BICD1: variants seen among roughly 807,000 people sequenced by gnomAD.
BICD1 encodes protein bicaudal D homolog 1.
BICD1 carries 35 observed loss-of-function variants against 92.5 expected under a neutral mutation model. The ratio of observed to expected loss-of-function variants is 0.38; its 90% CI spans 0.29 to 0.50. The LOEUF (loss-of-function observed/expected upper bound fraction) is 0.50, where lower values mean the gene tolerates loss of function less well. Ranked by LOEUF, BICD1 falls within the 20% of genes least tolerant of loss-of-function variation. BICD1 has a pLI of 0.93. For synonymous variants in BICD1, 429 were observed against 465.1 expected (o/e 0.92, Z 1.00); for missense variants, 950 against 1,189.8 (o/e 0.80, Z 2.97).
Position 32,296,581 on chromosome 12 carries a change from C to T in BICD1, c.579+2435C>T, listed in dbSNP as rs559486376. On this transcript the variant is annotated intron_variant, in intron 3 of 9. Coordinates refer to ENST00000652176, the MANE Select transcript of BICD1 (RefSeq NM_001714.4). ...CTAAGAAGGGTATTTTCTTGTGGTC[C>T]TTTTTTTGGTTATTGATGAAACACA... 3.9e-5 allele frequency among the ~76,000 whole-genome samples: 6 copies of T among 151,980 alleles called. No homozygotes were observed. The South Asian group carries it at 1.3e-3, about 32-fold the overall frequency.
At chr12:32,265,053 C>T (rs1231114986) in intron 2 of BICD1, among the ~76,000 whole-genome samples, 1 of 152,056 alleles carries the variant, frequency 6.6e-6, no homozygotes, top group African/African-American at 2.4e-5. Flanking sequence ...GCTGCCTTAG[C>T]CTTCTGAACT....
At chr12:32,302,088 G>A (rs887854514) in intron 3 of BICD1, among the ~76,000 whole-genome samples, 1 of 151,972 alleles carries the variant, frequency 6.6e-6, no homozygotes, top group Non-Finnish European at 1.5e-5. Flanking sequence ...GGGTTTCACT[G>A]TGTTAGCTAG....
intron 8 of BICD1, among the ~76,000 whole-genome samples, chr12:32,361,424 A>G (rs113164145): frequency 0.024 from 3,579 of 151,914 alleles, 134 homozygotes; most frequent in African/African-American, 0.081. Flanking sequence ...ATGGCAGCAC[A>G]TGCCTGTAAT....
At chr12:32,285,023 A>G (rs1461840613) in intron 2 of BICD1, among the ~76,000 whole-genome samples, 1 of 152,200 alleles carries the variant, frequency 6.6e-6, no homozygotes, top group Non-Finnish European at 1.5e-5. Flanking sequence ...TGGGGCTGTA[A>G]GGAAATGCTC....
Position 32,197,751 on chromosome 12 carries a change from C to T in BICD1, c.214-18496C>T, listed in dbSNP as rs150018633. On this transcript the variant is annotated intron_variant, in intron 1 of 9. Transcript: ENST00000652176. ...GATGATATGATACAGATCAGCAATACGTAAGACAGAAAGGGGGTTTCACCC... is the reference window on the plus strand; with the variant it reads ...GATGATATGATACAGATCAGCAATATGTAAGACAGAAAGGGGGTTTCACCC... Among the ~76,000 whole-genome samples the T allele has an allele frequency of 6.0e-4, 91 of 152,240 alleles. 1 individual carries two copies. Among genetic ancestry groups the T allele is most frequent in the African/African-American group, 1.8e-3 (76 of 41,538 alleles).
chr12:32,135,542 A>C (rs751899269), intron 1 of BICD1, among the ~76,000 whole-genome samples: 1 of 151,776 alleles, frequency 6.6e-6, no homozygotes, highest in Admixed American at 6.6e-5. Context: ...CTGGGACTAC[A>C]GGTGTGCATC....
intron 1 of BICD1, among the ~76,000 whole-genome samples, chr12:32,197,189 G>A (rs1944753146): frequency 1.3e-5 from 2 of 151,914 alleles, no homozygotes; most frequent in South Asian, 4.2e-4. Flanking sequence ...TTGTATTTTT[G>A]GTAGAGGCGG....
chr12:32,267,396 G>A (rs1201312782), intron 2 of BICD1, among the ~76,000 whole-genome samples: 1 of 152,136 alleles, frequency 6.6e-6, no homozygotes, highest in African/African-American at 2.4e-5. Context: ...AATTACTACT[G>A]TATCCCTAGC....
At chr12:32,264,719 C>T (rs535627938) in intron 2 of BICD1, among the ~76,000 whole-genome samples, 1 of 152,236 alleles carries the variant, frequency 6.6e-6, no homozygotes, top group East Asian at 1.9e-4. Context: ...AAACTCCTAA[C>T]CTCAAGTGAT....
intron 1 of BICD1, among the ~76,000 whole-genome samples, chr12:32,135,022 C>CCCCCTCTCCT (rs1942677466): frequency 7.4e-6 from 1 of 135,256 alleles, no homozygotes; most frequent in Non-Finnish European, 1.5e-5. Context: ...GTGAATGAGT[C>CCCCCTCTCCT]CTCCTCTCCT....
intron 1 of BICD1, among the ~76,000 whole-genome samples, chr12:32,159,180 C>T (rs1248868734): frequency 6.6e-6 from 1 of 152,170 alleles, no homozygotes; most frequent in Non-Finnish European, 1.5e-5. Flanking sequence ...GTGATCCACC[C>T]ACCTTGGCCT....
At chr12:32,232,728 C>T (rs1235950337) in intron 2 of BICD1, among the ~76,000 whole-genome samples, 1 of 152,022 alleles carries the variant, frequency 6.6e-6, no homozygotes. Flanking sequence ...TTAGGTCAAA[C>T]GTTTAAGTCT....
intron 1 of BICD1, among the ~76,000 whole-genome samples, chr12:32,184,279 G>A (rs1021890515): frequency 6.6e-6 from 1 of 152,128 alleles, no homozygotes; most frequent in African/African-American, 2.4e-5. Context: ...CCAAAAGGAT[G>A]TATGGAAAAT....
At chr12:32,256,902 AATTTCTT>A (rs140430722) in intron 2 of BICD1, among the ~76,000 whole-genome samples, 3,914 of 152,222 alleles carry the variant, frequency 0.026, 170 homozygotes, top group African/African-American at 0.088. Flanking sequence ...ATAAGCACTT[AATTTCTT>A]TTTAATGATA....
chr12:32,256,802 G>A (rs1255485576), intron 2 of BICD1, among the ~76,000 whole-genome samples: 3 of 152,110 alleles, frequency 2.0e-5, no homozygotes, highest in African/African-American at 7.2e-5. Context: ...ACACTGACAT[G>A]AACAGATTCT....
Position 32,107,409 on chromosome 12 carries a change from G to C in BICD1, c.78G>C (p.Glu26Asp). The C allele has an allele frequency of 6.2e-7, 1 of 1,612,086 alleles. No individual in the cohort carries two copies. The highest frequency in any genetic ancestry group is 8.5e-7 in the Non-Finnish European group (1 of 1,179,328). ...AGAGGCTAACCAAGGAGCTCACGGAGACCACCCACGAGAAGATCCAGGCTG... is the reference window on the plus strand; with the variant it reads ...AGAGGCTAACCAAGGAGCTCACGGACACCACCCACGAGAAGATCCAGGCTG... ...EIERLTKELT[E>D]TTHEKIQAAE... Residue 26 changes from glutamate (E) to aspartate (D), a missense_variant, in exon 1 of 10, where the codon GAG (glutamate) becomes GAC (aspartate). Glu to Asp is a conservative substitution (Grantham distance 45, BLOSUM62 2). Around this residue, in one of 5 missense-constraint regions of BICD1, gnomAD observed 202 missense variants for 205.3 expected, o/e 0.98. Transcript: ENST00000652176.
At chr12:32,192,699 T>A (rs918666234) in intron 1 of BICD1, among the ~76,000 whole-genome samples, 4 of 152,122 alleles carry the variant, frequency 2.6e-5, no homozygotes, top group African/African-American at 9.7e-5. Flanking sequence ...TTCCATTACA[T>A]AAAAGTGCAA....
chr12:32,259,110 C>T (rs573812051), intron 2 of BICD1, among the ~76,000 whole-genome samples: 1 of 152,246 alleles, frequency 6.6e-6, no homozygotes, highest in South Asian at 2.1e-4. Context: ...GGGCTCACCT[C>T]TTGCCTTCTT....
chr12:32,226,896 G>C, intron 2 of BICD1, among the ~76,000 whole-genome samples: 1 of 152,264 alleles, frequency 6.6e-6, no homozygotes. Flanking sequence ...CCTGGGGCTG[G>C]AGCCTGGCGG....
Sources: allele counts gnomAD v4.1 joint callset (sites outside exome capture counted in the v4.1 genomes callset), GRCh38; gene constraint gnomAD v4.1.1; regional missense constraint gnomAD v4.1.1; transcripts MANE v1.5; gene names NCBI Gene and HGNC (gene_info 2026-07-23, HGNC 2026-07-21).